Variants in SYNJ2 observed in about 807,000 individuals in gnomAD.
SYNJ2 encodes synaptojanin 2, also known as polyphosphatidylinositol phosphatase SYNJ2.
In SYNJ2, 116 loss-of-function variants were observed where a neutral mutation model predicts 141.3. The observed-to-expected ratio is 0.82, with a 90% confidence interval of 0.71 to 0.96. SYNJ2 has a LOEUF of 0.96. Ranked by LOEUF, SYNJ2 falls within the 40% of genes least tolerant of loss-of-function variation. The pLI is 0.00. For synonymous variants in SYNJ2, 745 were observed against 777.7 expected (o/e 0.96, Z 0.70); for missense variants, 1,873 against 1,934.8 (o/e 0.97, Z 0.60).
At chr6:157,985,757 G>T (rs531269590) in intron 1 of SYNJ2, among the ~76,000 whole-genome samples, 1 of 152,220 alleles carries the variant, frequency 6.6e-6, no homozygotes, top group African/African-American at 2.4e-5. Context: ...AGTGCGGGCT[G>T]TGTGTGAGTG....
intron 6 of SYNJ2, among the ~76,000 whole-genome samples, chr6:158,058,006 C>A (rs1780974266): frequency 6.6e-6 from 1 of 152,222 alleles, no homozygotes; most frequent in South Asian, 2.1e-4. Flanking sequence ...AATCCATAGT[C>A]TTTCTACTAC....
At chr6:158,016,090 G>A (rs1324627521) in intron 1 of SYNJ2, among the ~76,000 whole-genome samples, 4 of 152,088 alleles carry the variant, frequency 2.6e-5, no homozygotes, top group Non-Finnish European at 5.9e-5. Context: ...CTCTAGAAAT[G>A]TGCCTGTTCT....
In SYNJ2 at chr6:158,087,734, A is replaced by C. The variant is rs553552194; in HGVS notation, c.3343+745A>C. Among the ~76,000 whole-genome samples, 4 of 152,358 alleles carry C rather than the reference A, an allele frequency of 2.6e-5. No individual in the cohort carries two copies. The East Asian group carries it at 7.7e-4, about 29-fold the overall frequency. On this transcript the variant is annotated intron_variant, in intron 23 of 26. Transcript: ENST00000355585. ...TAAAAATAACCCAAAAATAAAATGCATAAGTCATGTATTATTGTGGAAATT... is the reference window on the plus strand; with the variant it reads ...TAAAAATAACCCAAAAATAAAATGCCTAAGTCATGTATTATTGTGGAAATT...
chr6:158,085,123 G>T (rs990859009), intron 22 of SYNJ2, among the ~76,000 whole-genome samples: 2 of 151,008 alleles, frequency 1.3e-5, no homozygotes, highest in African/African-American at 4.9e-5. Flanking sequence ...AGGCTCAAGC[G>T]ATCCTCCCAC....
In SYNJ2 at chr6:158,062,165, G is replaced by A; in HGVS notation, c.1127+1G>A. 6.2e-7 allele frequency: 1 copy of A among 1,612,820 alleles called. No homozygotes were observed. The highest frequency in any genetic ancestry group is 8.5e-7 in the Non-Finnish European group (1 of 1,179,530). ...CAAAGGGGGAGAACGTCAGTCCACGGTGAGGCTCGCTGCGCACTGTGCCGC... is the reference window on the plus strand; with the variant it reads ...CAAAGGGGGAGAACGTCAGTCCACGATGAGGCTCGCTGCGCACTGTGCCGC... On this transcript the variant is annotated splice_donor_variant, in intron 8 of 26. Coordinates refer to ENST00000355585, the MANE Select transcript of SYNJ2 (RefSeq NM_003898.4). LOFTEE classifies it high-confidence loss of function.
In SYNJ2 at chr6:157,982,496, CT is replaced by C. The variant is rs1274553372; in HGVS notation, c.127+409del. Among the ~76,000 whole-genome samples the C allele has an allele frequency of 7.2e-5, 11 of 152,370 alleles. No individual in the cohort carries two copies. The highest frequency in any genetic ancestry group is 2.6e-4 in the African/African-American group (11 of 41,584). ...CCTTTGGTTTGTGTTGGCGGCTCCA[CT>C]CCTGGAGGGGATGGGGACAAAAGCC... On this transcript the variant is annotated intron_variant, in intron 1 of 26. Transcript: ENST00000355585. The surrounding 1 kb of genome is among the most constrained non-coding windows in gnomAD (Gnocchi z 4.0).
chr6:158,004,278 A>G (rs1213549337), intron 1 of SYNJ2, among the ~76,000 whole-genome samples: 1 of 152,164 alleles, frequency 6.6e-6, no homozygotes, highest in Non-Finnish European at 1.5e-5. Flanking sequence ...AGAGGTCAGC[A>G]CAAGATACAG....
chr6:158,092,941 C>T lies in SYNJ2; in HGVS notation c.3581C>T (p.Ala1194Val). ...LEARGGASEE[A>V]LSAVAPRDLE... ...TATGTTTCAGGTGCCTCCGAAGAAGCCCTAAGTGCCGTGGCCCCAAGGGAC... is the reference window on the plus strand; with the variant it reads ...TATGTTTCAGGTGCCTCCGAAGAAGTCCTAAGTGCCGTGGCCCCAAGGGAC... The change falls in exon 26 of 27, where the codon GCC becomes GTC. Residue 1194 changes from alanine (A) to valine (V), a missense_variant. By Grantham distance (64) the Ala-to-Val change is moderately conservative (BLOSUM62 0). Coordinates refer to ENST00000355585, the MANE Select transcript of SYNJ2 (RefSeq NM_003898.4). The T allele has an allele frequency of 6.3e-7, 1 of 1,590,080 alleles. No individual in the cohort carries two copies. The highest frequency in any genetic ancestry group is 8.5e-7 in the Non-Finnish European group (1 of 1,173,248).
chr6:158,096,502 A>G lies in SYNJ2; in HGVS notation c.*138A>G, dbSNP rs1783810128. The G allele has an allele frequency of 7.9e-6, 8 of 1,007,566 alleles. No homozygotes were observed. The South Asian group carries it at 1.3e-4, about 16-fold the overall frequency. The allele number at this position is 1,007,566 out of a possible 1,614,324, so 62.4% of individuals were successfully genotyped here. ...ATCTGTCACTCTCGTGTAGTTTACAAAAATCGTGTCTCTTATTCAGTAAGA... is the reference window on the plus strand; with the variant it reads ...ATCTGTCACTCTCGTGTAGTTTACAGAAATCGTGTCTCTTATTCAGTAAGA... On this transcript the variant is annotated 3_prime_UTR_variant, in exon 27 of 27. Transcript: ENST00000355585.
Position 158,084,087 on chromosome 6 carries a change from C to G in SYNJ2, c.3121C>G (p.Leu1041Val), listed in dbSNP as rs1190865182. Reference sequence around the variant, plus strand: ...GGACAGTGAACTCGGGGGAGACGACCTCTCTGATGTCCCCGGCCCCACAGC... The same window carrying G: ...GGACAGTGAACTCGGGGGAGACGACGTCTCTGATGTCCCCGGCCCCACAGC... ...VSDSELGGDD[L>V]SDVPGPTALA... is the part of the protein sequence containing the mutation. The change falls in exon 22 of 27, where the codon CTC (leucine) becomes GTC (valine). Residue 1041 changes from leucine to valine, a missense_variant. Coordinates refer to ENST00000355585, the MANE Select transcript of SYNJ2 (RefSeq NM_003898.4). This position sits in a 1 kb window ranked among gnomAD's most constrained non-coding sequence, Gnocchi z 5.0. 6.2e-7 allele frequency: 1 copy of G among 1,614,138 alleles called. No homozygotes were observed. The highest frequency in any genetic ancestry group is 2.2e-5 in the East Asian group (1 of 44,884).
chr6:158,078,715 C>T (rs1269563531), intron 18 of SYNJ2: 1 of 153,452 alleles, frequency 6.5e-6, no homozygotes, highest in East Asian at 1.9e-4. Context: ...ATCCATTCAC[C>T]TCTTGATGAA....
chr6:158,018,686 A>G (rs1778600681), intron 2 of SYNJ2, among the ~76,000 whole-genome samples: 1 of 152,240 alleles, frequency 6.6e-6, no homozygotes, highest in African/African-American at 2.4e-5. Flanking sequence ...TCGTGCCAAG[A>G]GCTAGCCGTA....
In SYNJ2 at chr6:158,086,868, G is replaced by C. The variant is rs1275901376; in HGVS notation, c.3222G>C (p.Leu1074=). The C allele has an allele frequency of 6.2e-7, 1 of 1,611,490 alleles. No individual in the cohort carries two copies. Among genetic ancestry groups the C allele is most frequent in the Non-Finnish European group, 8.5e-7 (1 of 1,180,026 alleles). ...CATGTCCTCCAGATGACGCGGACCT[G>C]GTGGAGCTCAAGCGGGAGCTGGAAG... ...QHPTYKDDAD[L]VELKRELEAV... Residue 1074 remains leucine, a synonymous_variant, in exon 23 of 27, where the codon CTG becomes CTC. Coordinates refer to ENST00000355585, the MANE Select transcript of SYNJ2 (RefSeq NM_003898.4).
At chr6:158,085,850 G>A (rs1279248024) in intron 22 of SYNJ2, among the ~76,000 whole-genome samples, 1 of 152,252 alleles carries the variant, frequency 6.6e-6, no homozygotes, top group East Asian at 1.9e-4. Context: ...GAGCATCGCG[G>A]TGGTTCTGCA....
At chr6:158,053,142 C>G (rs147327140) in intron 5 of SYNJ2, among the ~76,000 whole-genome samples, 252 of 152,286 alleles carry the variant, frequency 1.7e-3, no homozygotes, top group African/African-American at 5.7e-3. Context: ...GATCCCTGAC[C>G]AGAATGCTAC....
chr6:158,022,768 T>C (rs1046637111), intron 2 of SYNJ2, among the ~76,000 whole-genome samples: 1 of 152,236 alleles, frequency 6.6e-6, no homozygotes, highest in Non-Finnish European at 1.5e-5. Context: ...CCTAGTTAGC[T>C]TCTTGGCTGT....
chr6:158,057,443 C>A (rs900880657), intron 6 of SYNJ2, among the ~76,000 whole-genome samples: 3 of 152,214 alleles, frequency 2.0e-5, no homozygotes, highest in Non-Finnish European at 4.4e-5. Context: ...CCACGTCCCA[C>A]ACACCAAGCA....
chr6:157,993,238 A>G (rs531534515), intron 1 of SYNJ2, among the ~76,000 whole-genome samples: 6 of 152,320 alleles, frequency 3.9e-5, no homozygotes, highest in Non-Finnish European at 2.9e-5. Context: ...TTGGGGTAAG[A>G]TGATCTCTCA....
chr6:158,034,023 C>T (rs2295894), intron 4 of SYNJ2, among the ~76,000 whole-genome samples: 57,822 of 152,032 alleles, frequency 0.38, 11,316 homozygotes, highest in Middle Eastern at 0.48. Flanking sequence ...GTTTGAAAAT[C>T]CTTTTAGGAC....
Sources: gnomAD v4.1 joint callset for allele counts (sites outside exome capture counted in the v4.1 genomes callset) on GRCh38, gnomAD v4.1.1 for gene constraint, Gnocchi (gnomAD v3.1) non-coding constraint, MANE v1.5 for transcripts, NCBI Gene and HGNC (gene_info 2026-07-23, HGNC 2026-07-21) for gene names.